The following PTPRH variants were observed in gnomAD, a reference collection of about 807,000 sequenced individuals.
PTPRH encodes the protein receptor-type tyrosine-protein phosphatase H.
A neutral mutation model predicts 130.2 loss-of-function variants in PTPRH; 113 were observed. The observed-to-expected ratio is 0.87, with a 90% CI of 0.75 to 1.01. The LOEUF (loss-of-function observed/expected upper bound fraction) is 1.01. PTPRH is among the 50% of genes least tolerant of loss of function. The probability of loss-of-function intolerance (pLI) is 0.00; values close to 1 mark genes in which losing one functional copy is unlikely to be tolerated. For synonymous variants in PTPRH, 556 were observed against 577.9 expected (o/e 0.96, Z 0.54); for missense variants, 1,430 against 1,425.0 (o/e 1.00, Z -0.06).
rs1555874155 is a variant in PTPRH, at chr19:55,182,027, C to G, written c.3187G>C (p.Val1063Leu). The change falls in exon 19 of 20, where the codon GTG becomes CTG. Residue 1063 changes from valine (V) to leucine (L), a missense_variant. Transcript: ENST00000376350. ...AGGGACTGCCTCACCTCAGTCTGCA[C>G]CATCAACGGCCGACTCTCTCTCATC... ...RKMRESRPLM[V>L]QTEAQYVFLH... 6.2e-7 allele frequency: 1 copy of G among 1,614,110 alleles called. No individual in the cohort carries two copies. The highest frequency in any genetic ancestry group is 8.5e-7 in the Non-Finnish European group (1 of 1,180,018).
At position 55,198,819 on chromosome 19, in the gene PTPRH, G is replaced by A. The variant is rs1426940324; in HGVS notation, c.1514C>T (p.Ser505Phe). 2 of 1,609,386 alleles carry A rather than the reference G, an allele frequency of 1.2e-6. No homozygotes were observed. The highest frequency in any genetic ancestry group is 8.5e-7 in the Non-Finnish European group (1 of 1,177,340). ...GACCCATGAGACCCAGTAGCTGTAG[G>A]AAGACTGGCCTGGGCCCTGGGGAGC... is the stretch of plus-strand genomic sequence containing the variant. ...WTAPQGPGQS[S>F]YSYWVSWVRE... Residue 505 changes from serine (S) to phenylalanine (F), a missense_variant, in exon 8 of 20, where the codon TCC becomes TTC. Coordinates refer to ENST00000376350, the MANE Select transcript of PTPRH (RefSeq NM_002842.5).
chr19:55,187,011 C>T (rs1434040790), intron 14 of PTPRH, among the ~76,000 whole-genome samples: 2 of 149,820 alleles, frequency 1.3e-5, no homozygotes, highest in African/African-American at 2.5e-5. Flanking sequence ...TGCCACTTCA[C>T]TCCAGCCTGG....
Position 55,204,013 on chromosome 19 carries a change from G to A in PTPRH, c.655C>T (p.Gln219Ter), listed in dbSNP as rs753012322. 58 of 1,613,992 alleles carry A rather than the reference G, an allele frequency of 3.6e-5. 2 individuals are homozygous for A. The South Asian group carries it at 5.2e-4, about 14-fold the overall frequency. Residue 219 changes from glutamine (Q) to a stop codon, truncating the protein, a stop_gained, in exon 5 of 20, where the codon CAG becomes TAG. Transcript: ENST00000376350. LOFTEE classifies it high-confidence loss of function. ...NPVRNLRVEA[Q>*]TTSSISLSWE... ...CTCAGGGAGATGGAGCTGGTGGTCT[G>A]AGCCTCCACTCTCAGGTTCCTCACT...
At chr19:55,205,208 G>A (rs1411591990) in intron 4 of PTPRH, 118 bp downstream of exon 4, 21 of 1,472,124 alleles carry the variant, frequency 1.4e-5, no homozygotes, top group Non-Finnish European at 1.9e-5. Context: ...CCAGGATGTG[G>A]ACATGAGTAC....
At chr19:55,208,171 G>A (rs888873101) in intron 1 of PTPRH, among the ~76,000 whole-genome samples, 19 of 55,656 alleles carry the variant, frequency 3.4e-4, no homozygotes, top group Admixed American at 2.5e-3. Flanking sequence ...TGGGGGTCTC[G>A]ACCTCTGGTT....
chr19:55,185,168 T>A (rs75463936), intron 18 of PTPRH, among the ~76,000 whole-genome samples: 2,596 of 152,010 alleles, frequency 0.017, 79 homozygotes, highest in African/African-American at 0.059. Context: ...CTAATTTTTG[T>A]ATGTTTAGTA....
chr19:55,201,604 T>G (rs755686465), intron 6 of PTPRH, among the ~76,000 whole-genome samples: 1 of 152,140 alleles, frequency 6.6e-6, no homozygotes, highest in African/African-American at 2.4e-5. Context: ...GCTACCATAT[T>G]GGACAATGGA....
chr19:55,200,276 AT>A lies in PTPRH; in HGVS notation c.1379del (p.Asn460MetfsTer19), dbSNP rs1568917595. 4 of 1,614,100 alleles carry A rather than the reference AT, an allele frequency of 2.5e-6. No homozygotes were observed. The East Asian group carries it at 6.7e-5, about 27-fold the overall frequency. On this transcript the variant is annotated frameshift_variant, in exon 7 of 20. Coordinates refer to ENST00000376350, the MANE Select transcript of PTPRH (RefSeq NM_002842.5). LOFTEE classifies it high-confidence loss of function. ...CATTCTGCCTGGAGCCACGTGCTCC[AT>A]TTTTTTCTGCCCATACAGAGAATGT... ...LYTFSVWAEK[N>X]GARGSRQNVS...
chr19:55,186,291 C>T lies in PTPRH; in HGVS notation c.2712G>A (p.Trp904Ter). ...GGCTCTGCTGTTCCCACACCAGGCG[C>T]CAGAAGTCACCCACTGTCTGTGGCA... ...GPLPQTVGDF[W>*]RLVWEQQSHT... is the part of the protein sequence containing the mutation. The change falls in exon 16 of 20, where the codon TGG (tryptophan) becomes TGA (stop). Residue 904 changes from tryptophan to a stop codon, truncating the protein, a stop_gained. Coordinates refer to ENST00000376350, the MANE Select transcript of PTPRH (RefSeq NM_002842.5). LOFTEE classifies it high-confidence loss of function. 6.2e-7 allele frequency: 1 copy of T among 1,614,050 alleles called. No individual in the cohort carries two copies. The highest frequency in any genetic ancestry group is 8.5e-7 in the Non-Finnish European group (1 of 1,179,990).
chr19:55,202,208 T>C lies in PTPRH; in HGVS notation c.1001A>G (p.Tyr334Cys). The C allele has an allele frequency of 6.2e-7, 1 of 1,614,220 alleles. No individual in the cohort carries two copies. Residue 334 changes from tyrosine to cysteine, a missense_variant, in exon 6 of 20, where the codon TAC (tyrosine) becomes TGC (cysteine). Tyr to Cys is a radical substitution (Grantham distance 194, BLOSUM62 -2). Transcript: ENST00000376350. Reference protein sequence around the residue: ...DPQNSTYGVEYTGDGGRAGTR... With the variant: ...DPQNSTYGVECTGDGGRAGTR... ...CCCTGCTCTGCCACCATCTCCAGTG[T>C]ACTCAACCCCGTAGGTGGAGTTCTG...
chr19:55,207,021 G>A (rs771468084), intron 2 of PTPRH, 66 bp from the exon 3 acceptor site: 10 of 1,550,466 alleles, frequency 6.4e-6, no homozygotes, highest in South Asian at 1.2e-5. Flanking sequence ...CCCAACCCCT[G>A]AGCTCACGCC....
chr19:55,200,641 C>T (rs377454155), intron 6 of PTPRH, 139 bp from the exon 7 acceptor site: 1 of 996,852 alleles, frequency 1.0e-6, no homozygotes, highest in East Asian at 2.5e-5. Context: ...ATGTTCTAGA[C>T]CGTGTTTCTC....
chr19:55,199,132 C>A (rs992605968), intron 7 of PTPRH, among the ~76,000 whole-genome samples: 3 of 152,144 alleles, frequency 2.0e-5, no homozygotes, highest in Non-Finnish European at 4.4e-5. Flanking sequence ...TAGTGAGACC[C>A]TATCGCTACT....
At chr19:55,203,305 C>T (rs190606847) in intron 5 of PTPRH, among the ~76,000 whole-genome samples, 9,814 of 125,116 alleles carry the variant, frequency 0.078, 373 homozygotes, top group South Asian at 0.096. Flanking sequence ...CCAGCCTGGG[C>T]GACAGAGGGA....
Position 55,205,539 on chromosome 19 carries a change from C to T in PTPRH, c.406G>A (p.Ala136Thr), listed in dbSNP as rs144055741. 2.5e-4 allele frequency: 401 copies of T among 1,614,230 alleles called. 6 individuals are homozygous for T. The East Asian group carries it at 6.6e-3, about 27-fold the overall frequency. The change falls in exon 4 of 20, where the codon GCC (alanine) becomes ACC (threonine). Residue 136 changes from alanine to threonine, a missense_variant. Coordinates refer to ENST00000376350, the MANE Select transcript of PTPRH (RefSeq NM_002842.5). The part of the protein sequence containing the change: ...RVEAQTNSSI[A>T]LTWEVPDGPD... ...CCGTCGGGGACCTCCCAGGTCAGGG[C>T]GATGGAGCTGTTGGTCTGAGCCTCC...
Position 55,185,972 on chromosome 19 carries a change from G to A in PTPRH, c.2791C>T (p.His931Tyr). 6.2e-7 allele frequency: 1 copy of A among 1,613,942 alleles called. No homozygotes were observed. The highest frequency in any genetic ancestry group is 8.5e-7 in the Non-Finnish European group (1 of 1,179,888). The change falls in exon 17 of 20, where the codon CAT becomes TAT. Residue 931 changes from histidine (H) to tyrosine (Y), a missense_variant. Coordinates refer to ENST00000376350, the MANE Select transcript of PTPRH (RefSeq NM_002842.5). ...GGCTGCGAGTCCAGAGGCCAGTAAT[G>A]CTCACACTTCACCTGGGGGAGGAGG... ...CMEAGRVKCE[H>Y]YWPLDSQPCT...
At position 55,203,766 on chromosome 19, in the gene PTPRH, A is replaced by C. The variant is rs374902069; in HGVS notation, c.886+16T>G. ...CTTATAAAAGAAATAAAAATAAAACAGCGGCTGCCTCTTACCTGTGGCACT... is the reference window on the plus strand; with the variant it reads ...CTTATAAAAGAAATAAAAATAAAACCGCGGCTGCCTCTTACCTGTGGCACT... On this transcript the variant is annotated intron_variant, in intron 5 of 19. Transcript: ENST00000376350. 5.7e-6 allele frequency: 9 copies of C among 1,589,300 alleles called. No individual in the cohort carries two copies. Among genetic ancestry groups the C allele is most frequent in the Non-Finnish European group, 7.7e-6 (9 of 1,162,708 alleles).
intron 12 of PTPRH, among the ~76,000 whole-genome samples, chr19:55,189,048 T>C (rs778395213): frequency 1.1e-4 from 17 of 152,150 alleles, no homozygotes; most frequent in Non-Finnish European, 2.5e-4. Flanking sequence ...TGCAGTGGTG[T>C]GATCTCAGCT....
chr19:55,181,845 G>T lies in PTPRH; in HGVS notation c.3257C>A (p.Ala1086Asp). 3 of 1,614,232 alleles carry T rather than the reference G, an allele frequency of 1.9e-6. No homozygotes were observed. Among genetic ancestry groups the T allele is most frequent in the Non-Finnish European group, 2.5e-6 (3 of 1,180,038 alleles). ...ATACGGGACTTCCTTCTCGGCTGGGGCCTGGGCTGACTGTTGGAGGAACCG... is the reference window on the plus strand; with the variant it reads ...ATACGGGACTTCCTTCTCGGCTGGGTCCTGGGCTGACTGTTGGAGGAACCG... The part of the protein sequence containing the change: ...ILRFLQQSAQ[A>D]PAEKEVPYED... Residue 1086 changes from alanine (A) to aspartate (D), a missense_variant, in exon 20 of 20, where the codon GCC (alanine) becomes GAC (aspartate). Transcript: ENST00000376350.
Sources: allele counts gnomAD v4.1 joint callset (sites outside exome capture counted in the v4.1 genomes callset), GRCh38; gene constraint gnomAD v4.1.1; transcripts MANE v1.5; gene names NCBI Gene and HGNC (gene_info 2026-07-23, HGNC 2026-07-21).